The following LCLAT1 variants were observed in gnomAD, a reference collection of about 807,000 sequenced individuals.
The protein encoded by LCLAT1 is lysocardiolipin acyltransferase 1, also known as 1-AGP acyltransferase 8.
In LCLAT1, 11 loss-of-function variants were observed where a neutral mutation model predicts 30.7. The observed-to-expected ratio is 0.36, with a 90% CI of 0.23 to 0.59. The LOEUF (loss-of-function observed/expected upper bound fraction) is 0.59. Among genes scored for constraint, LCLAT1 ranks in the 20% least tolerant of loss-of-function variants. The probability of loss-of-function intolerance (pLI) is 0.77; values close to 1 mark genes in which losing one functional copy is unlikely to be tolerated. For missense variants in LCLAT1, 402 were observed against 458.6 expected, an observed-to-expected ratio of 0.88 and a Z score of 1.13; for synonymous variants, 155 against 151.3, an observed-to-expected ratio of 1.02 and a Z score of -0.18.
intron 1 of LCLAT1, among the ~76,000 whole-genome samples, chr2:30,503,217 T>G (rs1684483852): frequency 6.6e-6 from 1 of 152,216 alleles, no homozygotes; most frequent in Admixed American, 6.5e-5. Flanking sequence ...TAGGGATTGC[T>G]TTCCTTGCCA....
At chr2:30,474,411 TG>T (rs1009888931) in intron 1 of LCLAT1, among the ~76,000 whole-genome samples, 10 of 152,048 alleles carry the variant, frequency 6.6e-5, no homozygotes, top group African/African-American at 1.7e-4. Flanking sequence ...TTGCAGTGAG[TG>T]GGGGTTAAAA....
chr2:30,471,183 A>G (rs1048427476), intron 1 of LCLAT1, among the ~76,000 whole-genome samples: 45 of 151,004 alleles, frequency 3.0e-4, no homozygotes, highest in African/African-American at 1.1e-3. Context: ...AAGTGCTGGG[A>G]TTACTGGCAT....
intron 5 of LCLAT1, among the ~76,000 whole-genome samples, chr2:30,617,595 A>G (rs1057278700): frequency 3.3e-5 from 5 of 152,180 alleles, no homozygotes; most frequent in Admixed American, 6.5e-5. Context: ...ACTGTTTTAC[A>G]TGTCCATTAG....
chr2:30,524,243 C>G (rs1049116806), intron 1 of LCLAT1, among the ~76,000 whole-genome samples: 6 of 152,204 alleles, frequency 3.9e-5, no homozygotes, highest in African/African-American at 1.4e-4. Flanking sequence ...ATGAGGACCC[C>G]CTACAGTAAT....
chr2:30,626,469 C>T (rs1177739217), intron 5 of LCLAT1, among the ~76,000 whole-genome samples: 1 of 150,472 alleles, frequency 6.6e-6, no homozygotes, highest in Non-Finnish European at 1.5e-5. Context: ...TGTGTAGATT[C>T]ATGTTTTCGT....
At chr2:30,493,002 G>A (rs1348002950) in intron 1 of LCLAT1, among the ~76,000 whole-genome samples, 2 of 152,080 alleles carry the variant, frequency 1.3e-5, no homozygotes, top group Admixed American at 6.6e-5. Context: ...GCCCAGACCC[G>A]TGGGCTACAT....
intron 1 of LCLAT1, among the ~76,000 whole-genome samples, chr2:30,453,815 A>G (rs912328134): frequency 6.6e-6 from 1 of 152,234 alleles, no homozygotes; most frequent in Non-Finnish European, 1.5e-5. Context: ...ATAACGTGTG[A>G]GTGCCAGGTG....
intron 3 of LCLAT1, among the ~76,000 whole-genome samples, chr2:30,544,667 T>A (rs1558509777): frequency 6.6e-6 from 1 of 152,176 alleles, no homozygotes; most frequent in Non-Finnish European, 1.5e-5. Flanking sequence ...TTCTATCAGC[T>A]TTGAATACCT....
intron 5 of LCLAT1, among the ~76,000 whole-genome samples, chr2:30,601,423 T>G (rs1451887951): frequency 3.9e-5 from 6 of 152,122 alleles, no homozygotes; most frequent in African/African-American, 1.4e-4. Flanking sequence ...TTTTCAACAC[T>G]AAGTAAGTTG....
intron 2 of LCLAT1, among the ~76,000 whole-genome samples, chr2:30,529,580 C>T (rs1303654717): frequency 6.6e-6 from 1 of 152,162 alleles, no homozygotes; most frequent in African/African-American, 2.4e-5. Context: ...CTGATTACTA[C>T]CTGGGATTAT....
intron 1 of LCLAT1, among the ~76,000 whole-genome samples, chr2:30,502,900 G>T (rs1395312002): frequency 6.6e-6 from 1 of 152,192 alleles, no homozygotes; most frequent in African/African-American, 2.4e-5. Context: ...GAATTTAAGG[G>T]TGAGCCAGTG....
At position 30,558,379 on chromosome 2, in the gene LCLAT1, C is replaced by T. The variant is rs539736366; in HGVS notation, c.365-3767C>T. 3.0e-4 allele frequency among the ~76,000 whole-genome samples: 46 copies of T among 152,208 alleles called. 1 individual carries two copies. The South Asian group carries it at 9.3e-3, about 31-fold the overall frequency. On this transcript the variant is annotated intron_variant, in intron 3 of 5. Coordinates refer to ENST00000379509, the MANE Select transcript of LCLAT1 (RefSeq NM_001002257.3). Reference sequence around the variant, plus strand: ...CTTTGGGAGGCCTAAGCAGGTGGATCACCTGAGGTCAGGAGTTTGAGACCA... The same window carrying T: ...CTTTGGGAGGCCTAAGCAGGTGGATTACCTGAGGTCAGGAGTTTGAGACCA...
chr2:30,603,723 T>C (rs1667295750), intron 5 of LCLAT1, among the ~76,000 whole-genome samples: 1 of 152,074 alleles, frequency 6.6e-6, no homozygotes, highest in Admixed American at 6.6e-5. Flanking sequence ...GATCCAAGGA[T>C]GACAGCTGTG....
chr2:30,642,670 C>G lies in LCLAT1; in HGVS notation c.*2051C>G, dbSNP rs1158355635. The G allele has an allele frequency of 2.6e-5, 4 of 151,638 alleles. No individual in the cohort carries two copies. The highest frequency in any genetic ancestry group is 2.1e-4 in the South Asian group (1 of 4,810). 9.4% of individuals were successfully genotyped at this position (151,638 alleles called of 1,614,324 possible). On this transcript the variant is annotated 3_prime_UTR_variant, in exon 6 of 6. Coordinates refer to ENST00000379509, the MANE Select transcript of LCLAT1 (RefSeq NM_001002257.3). Reference sequence around the variant, plus strand: ...CAACATTTAATTGCATGTCCTCTAACGCTTTGAAACCTTTAGAGGGAAGAT... The same window carrying G: ...CAACATTTAATTGCATGTCCTCTAAGGCTTTGAAACCTTTAGAGGGAAGAT...
intron 5 of LCLAT1, among the ~76,000 whole-genome samples, chr2:30,595,610 T>A (rs1172877274): frequency 6.6e-6 from 1 of 152,206 alleles, no homozygotes; most frequent in Non-Finnish European, 1.5e-5. Flanking sequence ...AATGGGTACA[T>A]TGAAAATGTG....
At chr2:30,467,687 A>G (rs1682518040) in intron 1 of LCLAT1, among the ~76,000 whole-genome samples, 1 of 152,244 alleles carries the variant, frequency 6.6e-6, no homozygotes. Flanking sequence ...CCTGATGGCC[A>G]GTGATGATGA....
At chr2:30,547,727 G>C (rs1664489742) in intron 3 of LCLAT1, among the ~76,000 whole-genome samples, 1 of 95,124 alleles carries the variant, frequency 1.1e-5, no homozygotes, top group African/African-American at 2.9e-5. Flanking sequence ...GCATAGTAGA[G>C]TGGGAGATCC....
intron 5 of LCLAT1, among the ~76,000 whole-genome samples, chr2:30,608,945 C>T (rs1667602450): frequency 6.6e-6 from 1 of 152,160 alleles, no homozygotes. Context: ...ACAAGGGTGC[C>T]TGTTTCCTCT....
At chr2:30,523,762 G>A (rs867737260) in intron 1 of LCLAT1, among the ~76,000 whole-genome samples, 2 of 152,164 alleles carry the variant, frequency 1.3e-5, no homozygotes, top group Admixed American at 6.5e-5. Context: ...TGGCTACTCC[G>A]GAGGCTGAGG....
Sources: gnomAD v4.1 joint callset for allele counts (sites outside exome capture counted in the v4.1 genomes callset) on GRCh38, gnomAD v4.1.1 for gene constraint, MANE v1.5 for transcripts, NCBI Gene and HGNC (gene_info 2026-07-23, HGNC 2026-07-21) for gene names.